The following CX3CR1 variants were observed in gnomAD, a reference collection of about 807,000 sequenced individuals.
The protein encoded by CX3CR1 is C-X3-C motif chemokine receptor 1.
For synonymous variants in CX3CR1, 168 were observed against 178.5 expected, an observed-to-expected ratio of 0.94 and a Z score of 0.47; for missense variants, 363 against 432.4, an observed-to-expected ratio of 0.84 and a Z score of 1.42.
At chr3:39,275,597 C>T (rs563535322) in intron 1 of CX3CR1, among the ~76,000 whole-genome samples, 7 of 152,294 alleles carry the variant, frequency 4.6e-5, no homozygotes, top group African/African-American at 1.7e-4. Flanking sequence ...GGGGAGATTT[C>T]TTTCTGTTCT....
upstream of CX3CR1, among the ~76,000 whole-genome samples, chr3:39,285,787 A>G (rs1026186880): frequency 1.3e-5 from 2 of 152,222 alleles, no homozygotes; most frequent in Non-Finnish European, 2.9e-5. Flanking sequence ...ATGAACTACA[A>G]TCTTGAATTT....
rs1482134638 is a variant in CX3CR1, at chr3:39,263,711, T to C, written c.*1731A>G. On this transcript the variant is annotated 3_prime_UTR_variant, in exon 2 of 2. Transcript: ENST00000399220. ...TCAATGAATACACAGTCTGGTAGAG[T>C]CTTCTAAAATGATAATTACCAAACT... 6.6e-6 allele frequency: 1 copy of C among 152,004 alleles called. No homozygotes were observed. The highest frequency in any genetic ancestry group is 2.4e-5 in the African/African-American group (1 of 41,382). The allele number at this position is 152,004 out of a possible 1,614,324, so 9.4% of individuals were successfully genotyped here. A position where few individuals can be genotyped will look rare whatever the true frequency, so the allele number is the denominator to read the frequency against.
intron 1 of CX3CR1, among the ~76,000 whole-genome samples, chr3:39,266,996 C>A (rs2040709497): frequency 6.6e-6 from 1 of 152,114 alleles, no homozygotes; most frequent in African/African-American, 2.4e-5. Flanking sequence ...GTTAGCCAGG[C>A]TGGTCTCAAA....
upstream of CX3CR1, among the ~76,000 whole-genome samples, chr3:39,282,593 GTCCC>G (rs2040913474): frequency 3.3e-5 from 5 of 152,104 alleles, no homozygotes; most frequent in East Asian, 1.9e-4. Context: ...AGTGATGGGT[GTCCC>G]CACCCATCAC....
intron 1 of CX3CR1, 61 bp downstream of exon 1, chr3:39,279,893 C>G: frequency 2.7e-6 from 2 of 754,434 alleles, no homozygotes; most frequent in Non-Finnish European, 3.2e-6. Flanking sequence ...GCATTATTAA[C>G]CTATTAGCTG....
the CX3CR1 span, among the ~76,000 whole-genome samples, chr3:39,288,970 G>A: frequency 4.6e-5 from 7 of 152,176 alleles, no homozygotes; most frequent in South Asian, 1.5e-3. Context: ...TTCGAGACCA[G>A]CCTGACCAAC....
intron 1 of CX3CR1, among the ~76,000 whole-genome samples, chr3:39,270,741 T>C (rs1172360830): frequency 6.6e-6 from 1 of 152,262 alleles, no homozygotes; most frequent in Non-Finnish European, 1.5e-5. Flanking sequence ...GTTTTTATGG[T>C]AAACTTTTGG....
intron 1 of CX3CR1, among the ~76,000 whole-genome samples, chr3:39,273,923 C>A (rs1197248141): frequency 6.6e-6 from 1 of 152,196 alleles, no homozygotes; most frequent in African/African-American, 2.4e-5. Flanking sequence ...AGCCATCATG[C>A]CTGGCCAAGG....
At chr3:39,270,727 GAC>G (rs1306744758) in intron 1 of CX3CR1, among the ~76,000 whole-genome samples, 1 of 152,218 alleles carries the variant, frequency 6.6e-6, no homozygotes, top group Admixed American at 6.5e-5. Context: ...TGGGAAAGGA[GAC>G]AGTTTTTATG....
chr3:39,266,617 T>C (rs1269679309), intron 1 of CX3CR1, 99 bp from the exon 2 acceptor site: 2 of 1,203,236 alleles, frequency 1.7e-6, no homozygotes, highest in Non-Finnish European at 2.5e-6. Context: ...AAGAAACAAA[T>C]ATTGGTTGGG....
intron 1 of CX3CR1, 128 bp downstream of exon 1, chr3:39,279,826 T>A (rs1350760599): frequency 4.1e-6 from 1 of 243,434 alleles, no homozygotes; most frequent in Non-Finnish European, 6.6e-6. Context: ...CTTGGACATA[T>A]TTAGGCTACA....
intron 1 of CX3CR1, among the ~76,000 whole-genome samples, chr3:39,275,785 G>A (rs143387218): frequency 7.2e-5 from 11 of 152,310 alleles, no homozygotes; most frequent in Non-Finnish European, 1.2e-4. Flanking sequence ...AGAGGCAAAA[G>A]TGTTTAAGAT....
intron 1 of CX3CR1, among the ~76,000 whole-genome samples, chr3:39,267,574 C>T (rs111937743): frequency 3.9e-5 from 6 of 152,246 alleles, no homozygotes; most frequent in Non-Finnish European, 8.8e-5. Flanking sequence ...TATTGGGAAC[C>T]CCTCAGTCCC....
At chr3:39,281,831 C>T (rs773981020), upstream of CX3CR1, 147 of 669,028 alleles carry the variant, frequency 2.2e-4, no homozygotes, top group Non-Finnish European at 2.8e-4. Context: ...CCTGGCTGTC[C>T]TGTCCAGGAC....
chr3:39,283,204 T>C (rs1322689751), upstream of CX3CR1, among the ~76,000 whole-genome samples: 1 of 152,194 alleles, frequency 6.6e-6, no homozygotes, highest in African/African-American at 2.4e-5. Flanking sequence ...GGTACTATTA[T>C]TATCCTCATC....
At chr3:39,280,313 C>A (rs2040880936), upstream of CX3CR1, 4 of 985,388 alleles carry the variant, frequency 4.1e-6, no homozygotes, top group South Asian at 4.7e-5. Context: ...ACAGTCAGCT[C>A]TCATTAATGG....
At chr3:39,272,114 A>G (rs1228030169) in intron 1 of CX3CR1, among the ~76,000 whole-genome samples, 3 of 152,228 alleles carry the variant, frequency 2.0e-5, no homozygotes, top group African/African-American at 7.2e-5. Flanking sequence ...TCATATCCAC[A>G]AGGGTTGTAA....
In CX3CR1 at chr3:39,272,168, A is replaced by G. The variant is rs1011866855; in HGVS notation, c.-9-5650T>C. On this transcript the variant is annotated intron_variant, in intron 1 of 1. Transcript: ENST00000399220. ...TGTTGCACTAATAAAGGCATCATCA[A>G]CTAAGGCTGCACTTTACAACTTAGT... is the stretch of plus-strand genomic sequence containing the variant. Among the ~76,000 whole-genome samples the G allele has an allele frequency of 4.6e-5, 7 of 152,262 alleles. No homozygotes were observed. In the East Asian group the frequency reaches 1.3e-3, roughly 29 times the overall value.
chr3:39,280,370 T>C, upstream of CX3CR1: 1 of 985,498 alleles, frequency 1.0e-6, no homozygotes, highest in Non-Finnish European at 1.2e-6. Context: ...TCAGCTTCCC[T>C]GCCCACGAGA....
Sources: gnomAD v4.1 joint callset for allele counts (sites outside exome capture counted in the v4.1 genomes callset) on GRCh38, gnomAD v4.1.1 for gene constraint, MANE v1.5 for transcripts, NCBI Gene and HGNC (gene_info 2026-07-23, HGNC 2026-07-21) for gene names.